Variants in SIPA1L1 observed in about 807,000 individuals in gnomAD.
SIPA1L1 encodes signal induced proliferation associated 1 like 1, also known as signal-induced proliferation-associated 1-like protein 1.
SIPA1L1 carries 26 observed loss-of-function variants against 162.7 expected under a neutral mutation model. The observed-to-expected ratio is 0.16, with a 90% CI of 0.12 to 0.22. The LOEUF (loss-of-function observed/expected upper bound fraction) is 0.22, where lower values mean the gene tolerates loss of function less well. SIPA1L1 is among the 10% of genes least tolerant of loss of function. SIPA1L1 has a pLI of 1.00. For missense variants in SIPA1L1, 1,874 were observed against 2,241.0 expected (o/e 0.84, Z 3.31); for synonymous variants, 829 against 837.4 (o/e 0.99, Z 0.17).
Position 71,624,084 on chromosome 14 carries a change from A to G in SIPA1L1, c.1666A>G (p.Ile556Val). 3 of 1,613,410 alleles carry G rather than the reference A, an allele frequency of 1.9e-6. No homozygotes were observed. Among genetic ancestry groups the G allele is most frequent in the Non-Finnish European group, 2.5e-6 (3 of 1,179,570 alleles). Residue 556 changes from isoleucine (I) to valine (V), a missense_variant, in exon 7 of 24, where the codon ATT becomes GTT. Coordinates refer to ENST00000381232, the MANE Select transcript of SIPA1L1 (RefSeq NM_001386936.1). ...GAGAGGTTCGGTCCTGGAGGACGCC[A>G]TTCCGTCGACAGCCAAGCACTCGAC... The part of the protein sequence containing the change: ...TLRGSVLEDA[I>V]PSTAKHSTAR...
At chr14:71,532,098 T>C (rs2053500658) in intron 4 of SIPA1L1, among the ~76,000 whole-genome samples, 1 of 152,232 alleles carries the variant, frequency 6.6e-6, no homozygotes, top group Non-Finnish European at 1.5e-5. Context: ...TTTTCCCCTT[T>C]AATTTATACA....
At chr14:71,417,847 T>G (rs2042919115) in intron 2 of SIPA1L1, among the ~76,000 whole-genome samples, 1 of 152,178 alleles carries the variant, frequency 6.6e-6, no homozygotes, top group Admixed American at 6.5e-5. Context: ...TAGGGGATGA[T>G]TAGAGAATCT....
chr14:71,619,561 CA>C (rs1399223761), intron 6 of SIPA1L1, among the ~76,000 whole-genome samples: 1 of 150,208 alleles, frequency 6.7e-6, no homozygotes, highest in East Asian at 1.9e-4. Context: ...TTTTTTAAAA[CA>C]CCTATGAACA....
chr14:71,709,783 A>C lies in SIPA1L1; in HGVS notation c.4208+119A>C, dbSNP rs562938936. ...GAAAGGAGGTTTTTCTGCAGTGACAATTATTTTTATATGTTTAATGCCCTT... is the reference window on the plus strand; with the variant it reads ...GAAAGGAGGTTTTTCTGCAGTGACACTTATTTTTATATGTTTAATGCCCTT... On this transcript the variant is annotated intron_variant, in intron 17 of 23. Transcript: ENST00000381232. The C allele has an allele frequency of 9.3e-6, 7 of 752,552 alleles. No individual in the cohort carries two copies. The African/African-American group carries it at 1.2e-4, about 13-fold the overall frequency. The allele number at this position is 752,552 out of a possible 1,614,324, so 46.6% of individuals were successfully genotyped here.
intron 2 of SIPA1L1, among the ~76,000 whole-genome samples, chr14:71,498,205 A>C (rs895884968): frequency 6.6e-6 from 1 of 152,210 alleles, no homozygotes; most frequent in Non-Finnish European, 1.5e-5. Flanking sequence ...TTTTAGGTAC[A>C]CTTAAAAATA....
intron 3 of SIPA1L1, among the ~76,000 whole-genome samples, chr14:71,517,117 C>T (rs1057503068): frequency 1.3e-5 from 2 of 151,226 alleles, no homozygotes; most frequent in African/African-American, 2.4e-5. Context: ...TGTTTTATTT[C>T]GTTTAATCTA....
chr14:71,461,513 C>G (rs924105430), intron 2 of SIPA1L1, among the ~76,000 whole-genome samples: 3 of 152,190 alleles, frequency 2.0e-5, no homozygotes, highest in Non-Finnish European at 4.4e-5. Flanking sequence ...TTGGTGAGCA[C>G]TCACATGGGA....
At chr14:71,617,917 A>T (rs768482652) in intron 5 of SIPA1L1, among the ~76,000 whole-genome samples, 2 of 152,240 alleles carry the variant, frequency 1.3e-5, no homozygotes, top group African/African-American at 4.8e-5. Flanking sequence ...CATCTCATGT[A>T]TGTATCAACA....
intron 2 of SIPA1L1, among the ~76,000 whole-genome samples, chr14:71,327,151 C>T (rs143961806): frequency 0.017 from 2,517 of 145,142 alleles, 71 homozygotes; most frequent in African/African-American, 0.061. Flanking sequence ...GATGTGATCT[C>T]GGCTCACTGC....
intron 2 of SIPA1L1, among the ~76,000 whole-genome samples, chr14:71,488,343 G>A (rs1225013027): frequency 6.6e-6 from 1 of 152,118 alleles, no homozygotes; most frequent in Non-Finnish European, 1.5e-5. Context: ...TATGTTTATA[G>A]ATGTGTTTTC....
chr14:71,479,367 A>ATGTATGTATGTG (rs1555433744), intron 2 of SIPA1L1, among the ~76,000 whole-genome samples: 2 of 151,440 alleles, frequency 1.3e-5, no homozygotes, highest in African/African-American at 2.4e-5. Context: ...GTATGTATGT[A>ATGTATGTATGTG]TGTATGTGTG....
chr14:71,537,623 CCTT>C (rs1381804598), intron 4 of SIPA1L1, among the ~76,000 whole-genome samples: 1 of 152,152 alleles, frequency 6.6e-6, no homozygotes, highest in East Asian at 1.9e-4. Context: ...TCCCATTCCT[CCTT>C]CTCATTCCTT....
chr14:71,474,746 A>G (rs2047716994), intron 2 of SIPA1L1, among the ~76,000 whole-genome samples: 2 of 152,138 alleles, frequency 1.3e-5, no homozygotes, highest in African/African-American at 4.8e-5. Context: ...GGCTTCACAT[A>G]ATAGCTTCCA....
intron 2 of SIPA1L1, among the ~76,000 whole-genome samples, chr14:71,511,446 G>A (rs2051140829): frequency 6.6e-6 from 1 of 151,948 alleles, no homozygotes; most frequent in Non-Finnish European, 1.5e-5. Context: ...CACCATGCCT[G>A]GCTAAATTTT....
At chr14:71,680,599 A>T (rs1053298127) in intron 12 of SIPA1L1, among the ~76,000 whole-genome samples, 4 of 152,234 alleles carry the variant, frequency 2.6e-5, no homozygotes, top group African/African-American at 9.6e-5. Context: ...TCTGAAGGAG[A>T]TAGAGACACA....
In SIPA1L1 at chr14:71,373,614, G is replaced by C. The variant is rs549877298; in HGVS notation, c.-465+52433G>C. On this transcript the variant is annotated intron_variant, in intron 2 of 23. Coordinates refer to ENST00000381232, the MANE Select transcript of SIPA1L1 (RefSeq NM_001386936.1). Reference sequence around the variant, plus strand: ...AGAGGTTGCAGTGAGCTGAGATCACGTCACTGGACTCCACCTTGGGTGACA... The same window carrying C: ...AGAGGTTGCAGTGAGCTGAGATCACCTCACTGGACTCCACCTTGGGTGACA... 2.0e-5 allele frequency among the ~76,000 whole-genome samples: 3 copies of C among 148,114 alleles called. No homozygotes were observed. In the East Asian group the frequency reaches 6.0e-4, roughly 29 times the overall value.
At chr14:71,621,633 T>G (rs1019412115) in intron 6 of SIPA1L1, among the ~76,000 whole-genome samples, 5 of 152,330 alleles carry the variant, frequency 3.3e-5, no homozygotes, top group African/African-American at 9.6e-5. Flanking sequence ...CTTAACACTG[T>G]CTTCTCTGTT....
intron 2 of SIPA1L1, among the ~76,000 whole-genome samples, chr14:71,428,322 A>G (rs906330617): frequency 1.3e-5 from 2 of 151,248 alleles, no homozygotes; most frequent in African/African-American, 4.9e-5. Context: ...TAATCTCATA[A>G]TGTGCCAACT....
chr14:71,709,234 T>A lies in SIPA1L1; in HGVS notation c.3778T>A (p.Tyr1260Asn). Residue 1260 changes from tyrosine (Y) to asparagine (N), a missense_variant, in exon 17 of 24, where the codon TAC becomes AAC. Coordinates refer to ENST00000381232, the MANE Select transcript of SIPA1L1 (RefSeq NM_001386936.1). ...PNKQGHSDSH[Y>N]SSHSSSNTLS... Reference sequence around the variant, plus strand: ...GCTTCTCTTGCAGTCTGATAGCCACTACTCGAGCCACTCCAGTAGCAATAC... The same window carrying A: ...GCTTCTCTTGCAGTCTGATAGCCACAACTCGAGCCACTCCAGTAGCAATAC... 1 of 1,611,802 alleles carries A rather than the reference T, an allele frequency of 6.2e-7. No individual in the cohort carries two copies. The highest frequency in any genetic ancestry group is 8.5e-7 in the Non-Finnish European group (1 of 1,178,512).
Sources: gnomAD v4.1 joint callset for allele counts (sites outside exome capture counted in the v4.1 genomes callset) on GRCh38, gnomAD v4.1.1 for gene constraint, MANE v1.5 for transcripts, NCBI Gene and HGNC (gene_info 2026-07-23, HGNC 2026-07-21) for gene names.